The following ADAMTS12 variants were observed in gnomAD, a reference collection of about 807,000 sequenced individuals.
ADAMTS12 encodes the protein A disintegrin and metalloproteinase with thrombospondin motifs 12.
A neutral mutation model predicts 167.8 loss-of-function variants in ADAMTS12; 118 were observed. The observed-to-expected ratio is 0.70, with a 90% CI of 0.61 to 0.82. The LOEUF is 0.82. Ranked by LOEUF, ADAMTS12 falls within the 40% of genes least tolerant of loss-of-function variation. The probability of loss-of-function intolerance (pLI) is 0.00; values close to 1 mark genes in which losing one functional copy is unlikely to be tolerated. For synonymous variants in ADAMTS12, 704 were observed against 716.9 expected (o/e 0.98, Z 0.29); for missense variants, 1,916 against 1,998.8 (o/e 0.96, Z 0.79).
At position 33,561,010 on chromosome 5, in the gene ADAMTS12, C is replaced by G. The variant is rs1434086445; in HGVS notation, c.4125+17G>C. 7 of 1,613,858 alleles carry G rather than the reference C, an allele frequency of 4.3e-6. No individual in the cohort carries two copies. The highest frequency in any genetic ancestry group is 5.9e-6 in the Non-Finnish European group (7 of 1,179,906). ...ACCTTCTCTACCTCCAAGACTCTGC[C>G]AAGCCTGATAAGTTACCTTGCTCCA... On this transcript the variant is annotated intron_variant, in intron 20 of 23. Transcript: ENST00000504830.
At chr5:33,774,353 C>T (rs1290556644) in intron 2 of ADAMTS12, among the ~76,000 whole-genome samples, 2 of 152,078 alleles carry the variant, frequency 1.3e-5, no homozygotes, top group Admixed American at 1.3e-4. Context: ...TAATCTGGCA[C>T]CAAATGTTTT....
At chr5:33,821,138 AATC>A (rs757995837) in intron 2 of ADAMTS12, among the ~76,000 whole-genome samples, 62 of 152,310 alleles carry the variant, frequency 4.1e-4, no homozygotes, top group Non-Finnish European at 6.0e-4. Flanking sequence ...AAATAATAAC[AATC>A]ATCATCATCA....
chr5:33,601,649 C>G (rs1738194705), intron 16 of ADAMTS12, among the ~76,000 whole-genome samples: 1 of 151,898 alleles, frequency 6.6e-6, no homozygotes, highest in African/African-American at 2.4e-5. Flanking sequence ...TTTCCTAGCT[C>G]AAAAGAACAT....
At chr5:33,708,947 A>G (rs1743292705) in intron 3 of ADAMTS12, among the ~76,000 whole-genome samples, 1 of 152,104 alleles carries the variant, frequency 6.6e-6, no homozygotes, top group African/African-American at 2.4e-5. Flanking sequence ...AAGTATACTA[A>G]AAAATAAAAA....
chr5:33,654,579 G>A (rs540988132), intron 7 of ADAMTS12, among the ~76,000 whole-genome samples: 2 of 152,274 alleles, frequency 1.3e-5, no homozygotes, highest in African/African-American at 4.8e-5. Context: ...GACACCACAG[G>A]GGTGGGGCTA....
intron 3 of ADAMTS12, chr5:33,751,097 TA>T (rs940207993): frequency 2.9e-5 from 13 of 451,712 alleles, no homozygotes; most frequent in Admixed American, 7.7e-5. Context: ...AAGAGTTTTT[TA>T]AAAAAAATTC....
At chr5:33,633,185 T>C (rs1275623170) in intron 12 of ADAMTS12, among the ~76,000 whole-genome samples, 1 of 48,570 alleles carries the variant, frequency 2.1e-5, no homozygotes, top group African/African-American at 4.7e-5. Context: ...GACACATATA[T>C]TCCTTTTAAA....
chr5:33,875,479 C>T (rs1248939157), intron 2 of ADAMTS12, among the ~76,000 whole-genome samples: 3 of 152,014 alleles, frequency 2.0e-5, no homozygotes, highest in Non-Finnish European at 4.4e-5. Flanking sequence ...TGGTATAAAC[C>T]TAATACTGCT....
intron 2 of ADAMTS12, among the ~76,000 whole-genome samples, chr5:33,848,060 CAA>C (rs5867219): frequency 0.074 from 11,196 of 151,706 alleles, 1,000 homozygotes; most frequent in African/African-American, 0.2. Flanking sequence ...ACTAAAAATA[CAA>C]AAAAAGGAGC....
intron 5 of ADAMTS12, among the ~76,000 whole-genome samples, chr5:33,682,282 T>G (rs990488135): frequency 6.6e-6 from 1 of 152,158 alleles, no homozygotes; most frequent in African/African-American, 2.4e-5. Context: ...GGAATGGAGG[T>G]GGCAGAACTG....
chr5:33,872,071 C>A (rs927136036), intron 2 of ADAMTS12, among the ~76,000 whole-genome samples: 2 of 152,016 alleles, frequency 1.3e-5, no homozygotes, highest in Non-Finnish European at 2.9e-5. Flanking sequence ...TAATTAATAA[C>A]CCTCCAAAAG....
intron 20 of ADAMTS12, among the ~76,000 whole-genome samples, chr5:33,554,101 G>A (rs1470969168): frequency 6.6e-6 from 1 of 152,192 alleles, no homozygotes; most frequent in Non-Finnish European, 1.5e-5. Context: ...CACAAAGGAG[G>A]AGACAGTCAA....
chr5:33,777,341 G>A (rs1579926719), intron 2 of ADAMTS12, among the ~76,000 whole-genome samples: 3 of 152,018 alleles, frequency 2.0e-5, no homozygotes, highest in Admixed American at 2.0e-4. Context: ...TAATCAAGTA[G>A]GATTTATCCC....
intron 22 of ADAMTS12, among the ~76,000 whole-genome samples, chr5:33,538,039 T>G (rs953250369): frequency 6.6e-6 from 1 of 152,172 alleles, no homozygotes; most frequent in Admixed American, 6.5e-5. Context: ...GGCAACCAAC[T>G]TTCTGAAAGC....
At chr5:33,851,068 G>A (rs1389399851) in intron 2 of ADAMTS12, among the ~76,000 whole-genome samples, 1 of 152,166 alleles carries the variant, frequency 6.6e-6, no homozygotes, top group South Asian at 2.1e-4. Context: ...GCATGACAGA[G>A]TACTCTTCTG....
intron 3 of ADAMTS12, among the ~76,000 whole-genome samples, chr5:33,750,350 A>T (rs1032903638): frequency 1.3e-5 from 2 of 152,210 alleles, no homozygotes; most frequent in Admixed American, 6.5e-5. Context: ...CTCTGCTAAG[A>T]TGATAGACGA....
In ADAMTS12 at chr5:33,546,148, C is replaced by T. The variant is rs1413939145; in HGVS notation, c.4357G>A (p.Gly1453Ser). ...VQERGVFCPG[G>S]LCDWTKRPTS... is the part of the protein sequence containing the mutation. ...GGTCTTTTTGTCCAATCACAGAGGC[C>T]TCCTGGACAGAACACTCCTCTCTCC... Residue 1453 changes from glycine to serine, a missense_variant, in exon 22 of 24, where the codon GGC becomes AGC. Gly to Ser is a moderately conservative substitution (Grantham distance 56, BLOSUM62 0). Coordinates refer to ENST00000504830, the MANE Select transcript of ADAMTS12 (RefSeq NM_030955.4). The T allele has an allele frequency of 1.9e-6, 3 of 1,613,998 alleles. No individual in the cohort carries two copies. Among genetic ancestry groups the T allele is most frequent in the Admixed American group, 1.7e-5 (1 of 60,012 alleles).
intron 3 of ADAMTS12, among the ~76,000 whole-genome samples, chr5:33,704,520 T>TTAGGTGGG (rs1439717678): frequency 3.3e-5 from 5 of 152,338 alleles, no homozygotes; most frequent in African/African-American, 1.2e-4. Context: ...TTTTCCTTTG[T>TTAGGTGGG]GTTTTTGATA....
At chr5:33,540,567 G>A (rs1208794664) in intron 22 of ADAMTS12, among the ~76,000 whole-genome samples, 4 of 152,208 alleles carry the variant, frequency 2.6e-5, no homozygotes, top group Non-Finnish European at 5.9e-5. Context: ...GGGGCCAACA[G>A]ACACATCATA....
Sources: allele counts gnomAD v4.1 joint callset (sites outside exome capture counted in the v4.1 genomes callset), GRCh38; gene constraint gnomAD v4.1.1; transcripts MANE v1.5; gene names NCBI Gene and HGNC (gene_info 2026-07-23, HGNC 2026-07-21).